PPP2R2C: variants seen among roughly 807,000 people sequenced by gnomAD.
PPP2R2C encodes the protein protein phosphatase 2 regulatory subunit Bgamma.
A neutral mutation model predicts 45.3 loss-of-function variants in PPP2R2C; 10 were observed. The observed-to-expected ratio is 0.22, with a 90% CI of 0.14 to 0.37. The LOEUF (loss-of-function observed/expected upper bound fraction) is 0.37, where lower values mean the gene tolerates loss of function less well. Ranked by LOEUF, PPP2R2C falls within the 10% of genes least tolerant of loss-of-function variation. The pLI is 1.00. For missense variants in PPP2R2C, 308 were observed against 619.7 expected, an observed-to-expected ratio of 0.50 and a Z score of 5.34; for synonymous variants, 257 against 245.4, an observed-to-expected ratio of 1.05 and a Z score of -0.44.
At chr4:6,377,897 A>G (rs1490435775) in intron 3 of PPP2R2C, among the ~76,000 whole-genome samples, 1 of 152,160 alleles carries the variant, frequency 6.6e-6, no homozygotes, top group African/African-American at 2.4e-5. Context: ...CAAGAGGATT[A>G]AGAGGCCGGC....
intron 2 of PPP2R2C, among the ~76,000 whole-genome samples, chr4:6,510,991 AAAC>A (rs773854464): frequency 0.13 from 9,334 of 72,396 alleles, 849 homozygotes; most frequent in African/African-American, 0.2. Flanking sequence ...AAAAAAAAAC[AAAC>A]AAACAAAAAA....
At chr4:6,435,879 G>A (rs1237122209) in intron 1 of PPP2R2C, among the ~76,000 whole-genome samples, 1 of 152,140 alleles carries the variant, frequency 6.6e-6, no homozygotes. Flanking sequence ...CTAGATCTGG[G>A]AAGGCTCCCA....
At chr4:6,380,935 C>T (rs1432427046) in intron 2 of PPP2R2C, 62 bp downstream of exon 2, 44 of 1,454,658 alleles carry the variant, frequency 3.0e-5, no homozygotes, top group Non-Finnish European at 3.5e-5. Flanking sequence ...CCACCATGCC[C>T]GCCTCCCACC....
chr4:6,463,457 A>C (rs552332979), intron 1 of PPP2R2C, among the ~76,000 whole-genome samples: 1 of 152,250 alleles, frequency 6.6e-6, no homozygotes, highest in African/African-American at 2.4e-5. Context: ...CCCACACCCC[A>C]GCTGGGAACC....
chr4:6,460,166 T>A (rs1418693367), intron 1 of PPP2R2C, among the ~76,000 whole-genome samples: 2 of 152,198 alleles, frequency 1.3e-5, no homozygotes, highest in African/African-American at 4.8e-5. Context: ...TCCCCAAGAT[T>A]CCTTTGTTGA....
rs2109284489 is a variant in PPP2R2C at position 6,368,267 on chromosome 4, C to T, written c.625+4256G>A. On this transcript the variant is annotated intron_variant, in intron 5 of 8. Transcript: ENST00000382599. The surrounding 1 kb of genome is among the most constrained non-coding windows in gnomAD (Gnocchi z 4.2). ...TGGCTTACCCTCCACCGACCTGAGG[C>T]CTGCAGCCAGCAGCAGGCGTGGCTG... is the stretch of plus-strand genomic sequence containing the variant. 6.6e-6 allele frequency among the ~76,000 whole-genome samples: 1 copy of T among 152,322 alleles called. No individual in the cohort carries two copies.
intron 1 of PPP2R2C, chr4:6,382,577 A>G: frequency 7.7e-7 from 1 of 1,291,454 alleles, no homozygotes; most frequent in Non-Finnish European, 1.0e-6. Context: ...AGGTGATGAC[A>G]GCTCTATTGT....
chr4:6,392,280 T>C (rs1716700040), intron 1 of PPP2R2C, among the ~76,000 whole-genome samples: 1 of 152,220 alleles, frequency 6.6e-6, no homozygotes, highest in Non-Finnish European at 1.5e-5. Flanking sequence ...TCCTCAGCAC[T>C]GTTGCATACA....
chr4:6,430,197 T>A (rs1260793297), intron 1 of PPP2R2C, among the ~76,000 whole-genome samples: 1 of 152,176 alleles, frequency 6.6e-6, no homozygotes, highest in African/African-American at 2.4e-5. Flanking sequence ...CAGGACTATG[T>A]CCTTGATGGG....
At chr4:6,326,476 G>A (rs1450235312) in intron 8 of PPP2R2C, among the ~76,000 whole-genome samples, 1 of 152,158 alleles carries the variant, frequency 6.6e-6, no homozygotes, top group African/African-American at 2.4e-5. Context: ...ATGGAGGAGG[G>A]GGCGTTGAAG....
chr4:6,341,626 T>C (rs952351038), intron 6 of PPP2R2C, among the ~76,000 whole-genome samples: 1 of 152,084 alleles, frequency 6.6e-6, no homozygotes, highest in East Asian at 1.9e-4. Flanking sequence ...GCAGATGTCA[T>C]TAAGTGAAGG....
chr4:6,560,055 TG>T (rs1469665563), intron 1 of PPP2R2C, among the ~76,000 whole-genome samples: 1 of 152,224 alleles, frequency 6.6e-6, no homozygotes, highest in East Asian at 1.9e-4. Flanking sequence ...CTTAAGGTGT[TG>T]GGGGAACCAC....
intron 1 of PPP2R2C, among the ~76,000 whole-genome samples, chr4:6,438,573 C>A (rs1720003038): frequency 6.6e-6 from 1 of 152,178 alleles, no homozygotes; most frequent in Admixed American, 6.5e-5. Context: ...GTTTCTTTAA[C>A]AGGAATTAAT....
intron 1 of PPP2R2C, among the ~76,000 whole-genome samples, chr4:6,403,124 CA>C (rs1240611244): frequency 6.6e-6 from 1 of 152,250 alleles, no homozygotes; most frequent in African/African-American, 2.4e-5. Context: ...TTCAATTATG[CA>C]CATGGCAGGA....
intron 1 of PPP2R2C, among the ~76,000 whole-genome samples, chr4:6,430,755 C>T (rs1719568249): frequency 6.6e-6 from 1 of 152,012 alleles, no homozygotes; most frequent in African/African-American, 2.4e-5. Context: ...TGAAACACCG[C>T]CTCCACTAAA....
intron 1 of PPP2R2C, among the ~76,000 whole-genome samples, chr4:6,398,665 G>A (rs1454625322): frequency 6.6e-6 from 1 of 152,190 alleles, no homozygotes; most frequent in Non-Finnish European, 1.5e-5. Context: ...AAAAACGATA[G>A]AGCCCCGTGG....
chr4:6,492,894 G>T (rs982109712), intron 2 of PPP2R2C, among the ~76,000 whole-genome samples: 1 of 152,146 alleles, frequency 6.6e-6, no homozygotes, highest in African/African-American at 2.4e-5. Flanking sequence ...GAACTTCAGG[G>T]TTAGGATTCT....
At chr4:6,403,529 C>G (rs1717587252) in intron 1 of PPP2R2C, among the ~76,000 whole-genome samples, 1 of 152,212 alleles carries the variant, frequency 6.6e-6, no homozygotes, top group East Asian at 1.9e-4. Flanking sequence ...CTGGCCTCCC[C>G]TGGGAGCACG....
intron 2 of PPP2R2C, among the ~76,000 whole-genome samples, chr4:6,507,551 A>G (rs886952895): frequency 2.6e-5 from 4 of 152,218 alleles, no homozygotes; most frequent in Admixed American, 1.3e-4. Flanking sequence ...CAGCTGTTCT[A>G]ACCAGCTCAG....
Sources: allele counts gnomAD v4.1 joint callset (sites outside exome capture counted in the v4.1 genomes callset), GRCh38; gene constraint gnomAD v4.1.1; non-coding constraint Gnocchi (gnomAD v3.1); transcripts MANE v1.5; gene names NCBI Gene and HGNC (gene_info 2026-07-23, HGNC 2026-07-21).